The following LRRFIP1 variants were observed in gnomAD, a reference collection of about 807,000 sequenced individuals.
LRRFIP1 encodes leucine-rich repeat flightless-interacting protein 1.
Under a neutral mutation model 104.4 loss-of-function variants are expected in LRRFIP1, and 62 were observed. The observed-to-expected ratio is 0.59, with a 90% CI of 0.48 to 0.73. The LOEUF is 0.73. Among genes scored for constraint, LRRFIP1 ranks in the 30% least tolerant of loss-of-function variants. The probability of loss-of-function intolerance (pLI) is 0.00; values close to 1 mark genes in which losing one functional copy is unlikely to be tolerated. For missense variants in LRRFIP1, 796 were observed against 824.5 expected (o/e 0.97, Z 0.42); for synonymous variants, 300 against 299.0 (o/e 1.00, Z -0.03).
intron 10 of LRRFIP1, among the ~76,000 whole-genome samples, chr2:237,737,574 C>T (rs1171396435): frequency 1.3e-5 from 2 of 152,226 alleles, no homozygotes; most frequent in Admixed American, 6.5e-5. Flanking sequence ...CAACAGTTCA[C>T]TGTGTCTTTG....
In LRRFIP1 at chr2:237,779,741, G is replaced by A. The variant is rs1046913401; in HGVS notation, c.*209G>A. The stretch of plus-strand genomic sequence containing the variant: ...GCCTCTGTCTGCAGACCCCTGGCCC[G>A]GGCTGGCGCCGACGCTCAGAACCTG... On this transcript the variant is annotated 3_prime_UTR_variant, in exon 24 of 24. Transcript: ENST00000308482. 10 of 470,094 alleles carry A rather than the reference G, an allele frequency of 2.1e-5. No homozygotes were observed. Among genetic ancestry groups the A allele is most frequent in the Middle Eastern group, 5.9e-4 (1 of 1,702 alleles). The allele number at this position is 470,094 out of a possible 1,614,324, so 29.1% of individuals were successfully genotyped here.
At chr2:237,673,923 C>CGTT (rs68089690) in intron 1 of LRRFIP1, among the ~76,000 whole-genome samples, 4 of 6,376 alleles carry the variant, frequency 6.3e-4, no homozygotes, top group Non-Finnish European at 1.1e-3. Context: ...GTGCAGAGCG[C>CGTT]GTCTACAAAC....
At chr2:237,683,322 G>C (rs1210807408) in intron 1 of LRRFIP1, 1 of 152,258 alleles carries the variant, frequency 6.6e-6, no homozygotes, top group African/African-American at 2.4e-5. Context: ...ATCATGCCAA[G>C]GCAGCTGCCC....
intron 11 of LRRFIP1, among the ~76,000 whole-genome samples, chr2:237,739,892 T>G (rs967041403): frequency 6.6e-6 from 1 of 152,124 alleles, no homozygotes; most frequent in Non-Finnish European, 1.5e-5. Context: ...ATGTGATGCT[T>G]GAAGGCGACC....
rs1170742860 is a variant in LRRFIP1 at position 237,655,102 on chromosome 2, C to CTTTTTTTT, written c.96+27381_96+27388dup. Among the ~76,000 whole-genome samples, 6 of 58,244 alleles carry CTTTTTTTT rather than the reference C, an allele frequency of 1.0e-4. 2 individuals are homozygous for CTTTTTTTT. Among genetic ancestry groups the CTTTTTTTT allele is most frequent in the African/African-American group, 4.7e-4 (6 of 12,742 alleles). 38.2% of individuals were successfully genotyped at this position (58,244 alleles called of 152,430 possible). On this transcript the variant is annotated intron_variant, in intron 1 of 23. Transcript: ENST00000308482. ...AGACGAATACCACGTGATCTCACTT[C>CTTTTTTTT]TTTTTTTTTTTTTTTTTTTTTTTTT...
intron 1 of LRRFIP1, among the ~76,000 whole-genome samples, chr2:237,638,988 G>A (rs1044642129): frequency 3.9e-5 from 6 of 152,332 alleles, no homozygotes; most frequent in Non-Finnish European, 1.5e-5. Flanking sequence ...GCAAGTGAAT[G>A]CAGCCCAGTC....
intron 11 of LRRFIP1, among the ~76,000 whole-genome samples, chr2:237,745,632 T>C (rs1359510897): frequency 1.3e-5 from 2 of 152,220 alleles, no homozygotes; most frequent in Non-Finnish European, 2.9e-5. Flanking sequence ...CCGTGTGTTT[T>C]CTTTCTCAGC....
At chr2:237,663,253 G>A (rs543842966) in intron 1 of LRRFIP1, among the ~76,000 whole-genome samples, 2 of 152,364 alleles carry the variant, frequency 1.3e-5, no homozygotes, top group African/African-American at 2.4e-5. Flanking sequence ...CATTCTGTGA[G>A]ATGCGGAGTG....
intron 19 of LRRFIP1, chr2:237,763,207 C>G (rs1368703712): frequency 1.2e-6 from 2 of 1,613,998 alleles, no homozygotes; most frequent in East Asian, 4.5e-5. Flanking sequence ...GTAGGGATCA[C>G]AACGAAGAAG....
Position 237,686,677 on chromosome 2 carries a change from G to A in LRRFIP1, c.97-21867G>A, listed in dbSNP as rs73093491. Among the ~76,000 whole-genome samples, 760 of 152,332 alleles carry A rather than the reference G, an allele frequency of 5.0e-3. 6 individuals are homozygous for A. The highest frequency in any genetic ancestry group is 0.018 in the African/African-American group (737 of 41,566). On this transcript the variant is annotated intron_variant, in intron 1 of 23. Transcript: ENST00000308482. ...GCTGCATGCTGCCATATGTAAGCCC[G>A]GCACTGGAGCTGTTGTGGATGCTGG...
At position 237,662,741 on chromosome 2, in the gene LRRFIP1, TAGG is replaced by T. The variant is rs1471414901; in HGVS notation, c.96+35005_96+35007del. On this transcript the variant is annotated intron_variant, in intron 1 of 23. Coordinates refer to ENST00000308482, the MANE Select transcript of LRRFIP1 (RefSeq NM_001137550.2). The stretch of plus-strand genomic sequence containing the variant: ...TTAAAAACTGGAACTGCTTCTGAGG[TAGG>T]AGGCGGGACTTGACTCCAGAGGCGG... Among the ~76,000 whole-genome samples, 2 of 152,080 alleles carry T rather than the reference TAGG, an allele frequency of 1.3e-5. 1 individual carries two copies. Among genetic ancestry groups the T allele is most frequent in the African/African-American group, 4.8e-5 (2 of 41,410 alleles).
chr2:237,704,108 C>T (rs577453825), intron 1 of LRRFIP1, among the ~76,000 whole-genome samples: 1 of 151,526 alleles, frequency 6.6e-6, no homozygotes, highest in African/African-American at 2.4e-5. Context: ...CCATTCTTCG[C>T]AGTGTCTCTG....
chr2:237,777,438 G>A (rs969042722), intron 23 of LRRFIP1, among the ~76,000 whole-genome samples: 2 of 151,898 alleles, frequency 1.3e-5, no homozygotes, highest in African/African-American at 4.8e-5. Flanking sequence ...ACATGTTTTC[G>A]TTTCATCCTT....
chr2:237,646,541 A>ATTTAAT (rs2084939465), intron 1 of LRRFIP1, among the ~76,000 whole-genome samples: 1 of 151,934 alleles, frequency 6.6e-6, no homozygotes, highest in Non-Finnish European at 1.5e-5. Flanking sequence ...GTTTGCCCCC[A>ATTTAAT]CAAGCCCGCA....
At chr2:237,706,329 C>T (rs1207302381) in intron 1 of LRRFIP1, among the ~76,000 whole-genome samples, 1 of 152,148 alleles carries the variant, frequency 6.6e-6, no homozygotes, top group Non-Finnish European at 1.5e-5. Context: ...TCTTACATCT[C>T]ACCCCTCTGC....
chr2:237,774,403 G>GA lies in LRRFIP1; in HGVS notation c.1757dup (p.Asn586LysfsTer8), dbSNP rs1265868923. On this transcript the variant is annotated frameshift_variant, in exon 23 of 24. Coordinates refer to ENST00000308482, the MANE Select transcript of LRRFIP1 (RefSeq NM_001137550.2). LOFTEE classifies it high-confidence loss of function. ...AGTATCACGTTACAAATCAGCGGCTGAAAATGCAGAAAAAATAGAAGATGA... is the reference window on the plus strand; with the variant it reads ...AGTATCACGTTACAAATCAGCGGCTGAAAAATGCAGAAAAAATAGAAGATGA... 6.2e-7 allele frequency: 1 copy of GA among 1,613,804 alleles called. No homozygotes were observed. The highest frequency in any genetic ancestry group is 8.5e-7 in the Non-Finnish European group (1 of 1,179,788).
rs1436982481 is a variant in LRRFIP1 at position 237,760,068 on chromosome 2, A to G, written c.1322A>G (p.His441Arg). 9.3e-6 allele frequency: 15 copies of G among 1,613,514 alleles called. No homozygotes were observed. The highest frequency in any genetic ancestry group is 8.3e-5 in the Admixed American group (5 of 59,986). Residue 441 changes from histidine (H) to arginine (R), a missense_variant, in exon 19 of 24, where the codon CAT becomes CGT. Coordinates refer to ENST00000308482, the MANE Select transcript of LRRFIP1 (RefSeq NM_001137550.2). The part of the protein sequence containing the change: ...VVMLKEELKK[H>R]GIILNSEIAT... Reference sequence around the variant, plus strand: ...TGAGCCTATTTTTGTTCCCAGAAACATGGAATAATCCTAAATTCAGAAATA... The same window carrying G: ...TGAGCCTATTTTTGTTCCCAGAAACGTGGAATAATCCTAAATTCAGAAATA...
At chr2:237,779,113 C>G (rs1488015935) in intron 23 of LRRFIP1, among the ~76,000 whole-genome samples, 2 of 152,098 alleles carry the variant, frequency 1.3e-5, no homozygotes, top group Admixed American at 6.5e-5. Flanking sequence ...TCCCGGGAGG[C>G]TGAGGCAGGG....
chr2:237,767,850 G>T (rs2060339617), intron 19 of LRRFIP1, among the ~76,000 whole-genome samples: 1 of 152,148 alleles, frequency 6.6e-6, no homozygotes, highest in African/African-American at 2.4e-5. Context: ...TAAACGTCTG[G>T]GCCCCTAAGG....
Sources: allele counts gnomAD v4.1 joint callset (sites outside exome capture counted in the v4.1 genomes callset), GRCh38; gene constraint gnomAD v4.1.1; transcripts MANE v1.5; gene names NCBI Gene and HGNC (gene_info 2026-07-23, HGNC 2026-07-21).